The following ZNF92 variants were observed in gnomAD, a reference collection of about 807,000 sequenced individuals.
ZNF92 encodes zinc finger protein 92.
ZNF92 carries 11 observed loss-of-function variants against 12.4 expected under a neutral mutation model. That is an observed-to-expected ratio of 0.89 (90% CI 0.56 to 1.47). ZNF92 has a LOEUF of 1.47. Among genes scored for constraint, ZNF92 ranks in the 40% most tolerant of loss-of-function variants. ZNF92 has a pLI of 0.00. For missense variants in ZNF92, 622 were observed against 681.0 expected, an observed-to-expected ratio of 0.91 and a Z score of 0.96; for synonymous variants, 206 against 228.6, an observed-to-expected ratio of 0.90 and a Z score of 0.89.
chr7:65,374,039 G>A (rs759242589), intron 1 of ZNF92, 39 bp downstream of exon 1: 1 of 1,613,964 alleles, frequency 6.2e-7, no homozygotes. Context: ...AGAGGGGGAG[G>A]GTCTGGCTGG....
In ZNF92 at chr7:65,389,718, C is replaced by T. The variant is rs561968270; in HGVS notation, c.226+817C>T. Among the ~76,000 whole-genome samples the T allele has an allele frequency of 3.7e-4, 56 of 151,406 alleles. No homozygotes were observed. The East Asian group carries it at 0.011, about 29-fold the overall frequency. On this transcript the variant is annotated intron_variant, in intron 3 of 3. Coordinates refer to ENST00000328747, the MANE Select transcript of ZNF92 (RefSeq NM_152626.4). ...TTTTAGTAGAGATGGGGTTTCTCCA[C>T]GTTGGCCAGGATGGTCTTGATCTCT...
intron 1 of ZNF92, among the ~76,000 whole-genome samples, chr7:65,378,371 G>A (rs1793307148): frequency 6.6e-6 from 1 of 152,018 alleles, no homozygotes; most frequent in Non-Finnish European, 1.5e-5. Context: ...GACATAAAGT[G>A]AGGTTGTATG....
chr7:65,374,540 G>GA (rs982005306), intron 1 of ZNF92, among the ~76,000 whole-genome samples: 31 of 151,412 alleles, frequency 2.0e-4, no homozygotes, highest in Admixed American at 1.5e-3. Flanking sequence ...GATGCATAAT[G>GA]AAAAAAAACA....
intron 1 of ZNF92, among the ~76,000 whole-genome samples, chr7:65,378,258 C>T (rs191108537): frequency 2.8e-4 from 42 of 149,972 alleles, no homozygotes; most frequent in African/African-American, 1.0e-3. Flanking sequence ...AGCGTTACTG[C>T]ACTCCAGCCT....
At chr7:65,393,116 A>C (rs1158706708) in intron 3 of ZNF92, among the ~76,000 whole-genome samples, 1 of 152,132 alleles carries the variant, frequency 6.6e-6, no homozygotes, top group Non-Finnish European at 1.5e-5. Flanking sequence ...GACTTCTTGA[A>C]ATTTTACATC....
Position 65,399,664 on chromosome 7 carries a change from CT to C in ZNF92, c.1554del (p.Phe518LeufsTer12). 2 of 1,613,172 alleles carry C rather than the reference CT, an allele frequency of 1.2e-6. No homozygotes were observed. The highest frequency in any genetic ancestry group is 1.7e-6 in the Non-Finnish European group (2 of 1,179,354). ...TACAAATGTGAAAAATGTGGCAATG[CT>C]TTTAACCAGTCCTCAAACCTTACTG... ...KSYKCEKCGNAFNQSSNLTAR... is the reference protein window; with the variant it reads ...KSYKCEKCGNXFNQSSNLTAR... On this transcript the variant is annotated frameshift_variant, in exon 4 of 4. Transcript: ENST00000328747. LOFTEE classifies it low-confidence loss of function (END_TRUNC).
intron 3 of ZNF92, among the ~76,000 whole-genome samples, chr7:65,391,111 C>G (rs1052509667): frequency 4.6e-5 from 7 of 152,232 alleles, no homozygotes; most frequent in Admixed American, 3.3e-4. Flanking sequence ...GATCTCAAAG[C>G]TCTCTTAAAG....
intron 1 of ZNF92, among the ~76,000 whole-genome samples, chr7:65,385,917 G>A (rs1584280321): frequency 2.0e-5 from 3 of 152,090 alleles, no homozygotes; most frequent in Admixed American, 2.0e-4. Context: ...GGAATGCCAT[G>A]TGTTTAGTAC....
chr7:65,392,650 C>T (rs929240057), intron 3 of ZNF92, among the ~76,000 whole-genome samples: 2 of 151,602 alleles, frequency 1.3e-5, no homozygotes, highest in African/African-American at 2.4e-5. Context: ...GATTCTCCTG[C>T]CTCAGCCTCC....
intron 1 of ZNF92, among the ~76,000 whole-genome samples, chr7:65,382,719 C>A (rs1398409691): frequency 6.6e-6 from 1 of 152,100 alleles, no homozygotes; most frequent in Middle Eastern, 3.2e-3. Context: ...CCACTTTCCC[C>A]TTCCTTCTCT....
rs768926087 is a variant in ZNF92 at position 65,388,035 on chromosome 7, A to G, written c.130+7A>G. On this transcript the variant is annotated splice_region_variant and intron_variant, in intron 2 of 3. Transcript: ENST00000328747. The stretch of plus-strand genomic sequence containing the variant: ...AGAAACCTGGTCTTCCTTGGTGAGG[A>G]TAACTTCAATACACAATACACAATG... 1 of 1,600,536 alleles carries G rather than the reference A, an allele frequency of 6.2e-7. No homozygotes were observed. Among genetic ancestry groups the G allele is most frequent in the South Asian group, 1.1e-5 (1 of 89,978 alleles).
intron 1 of ZNF92, among the ~76,000 whole-genome samples, chr7:65,382,249 G>A (rs929297464): frequency 1.3e-5 from 2 of 151,944 alleles, no homozygotes; most frequent in Non-Finnish European, 2.9e-5. Flanking sequence ...ATTGTGATGC[G>A]TGTCACATTC....
At chr7:65,376,498 G>A (rs1793241897) in intron 1 of ZNF92, among the ~76,000 whole-genome samples, 1 of 152,032 alleles carries the variant, frequency 6.6e-6, no homozygotes, top group African/African-American at 2.4e-5. Context: ...CCAGGCTGGA[G>A]TGCAGTGGTG....
At chr7:65,389,560 A>T (rs1295890808) in intron 3 of ZNF92, among the ~76,000 whole-genome samples, 1 of 151,924 alleles carries the variant, frequency 6.6e-6, no homozygotes, top group Non-Finnish European at 1.5e-5. Context: ...CTCTGTCGCC[A>T]GGCTGGAGTG....
rs1442084603 is a variant in ZNF92 at position 65,399,380 on chromosome 7, G to A, written c.1266G>A (p.Glu422=). The change falls in exon 4 of 4, where the codon GAG becomes GAA. Residue 422 remains glutamate, a synonymous_variant. Transcript: ENST00000328747. ...LTEHKIIHTG[E]KPYKCEKCGK... is the part of the protein sequence containing the mutation. ...AACATAAGATAATTCATACTGGAGA[G>A]AAACCCTACAAATGTGAAAAATGTG... The A allele has an allele frequency of 6.2e-7, 1 of 1,613,118 alleles. No individual in the cohort carries two copies. Among genetic ancestry groups the A allele is most frequent in the East Asian group, 2.2e-5 (1 of 44,798 alleles).
In ZNF92 at chr7:65,388,910, C is replaced by T; in HGVS notation, c.226+9C>T. ...GGTAGACAAAACCCCAGGTAGGTGA[C>T]AGTTAATACAACAGACAACACAAAT... On this transcript the variant is annotated intron_variant, in intron 3 of 3. Transcript: ENST00000328747. The T allele has an allele frequency of 6.4e-7, 1 of 1,562,508 alleles. No individual in the cohort carries two copies. The highest frequency in any genetic ancestry group is 8.7e-7 in the Non-Finnish European group (1 of 1,150,286).
rs1303481005 is a variant in ZNF92, at chr7:65,388,993, CTTGTTG to C, written c.226+94_226+99del. On this transcript the variant is annotated intron_variant, in intron 3 of 3. Transcript: ENST00000328747. ...ATTTTTTCTTAGTCGGAGTTTTGACCTTGTTGTCCAGGCTGGAGTGCAAGGGTGTGA... is the reference window on the plus strand; with the variant it reads ...ATTTTTTCTTAGTCGGAGTTTTGACCTCCAGGCTGGAGTGCAAGGGTGTGA... 2.6e-6 allele frequency: 3 copies of C among 1,168,034 alleles called. No homozygotes were observed. The African/African-American group carries it at 4.8e-5, about 19-fold the overall frequency. 72.4% of individuals were successfully genotyped at this position (1,168,034 alleles called of 1,614,324 possible).
intron 1 of ZNF92, among the ~76,000 whole-genome samples, chr7:65,384,932 T>C (rs796120229): frequency 2.0e-5 from 3 of 152,302 alleles, no homozygotes; most frequent in African/African-American, 7.2e-5. Flanking sequence ...GTAAATGTTG[T>C]TTTCCAAATG....
At chr7:65,374,635 T>C (rs1028694410) in intron 1 of ZNF92, among the ~76,000 whole-genome samples, 18 of 152,084 alleles carry the variant, frequency 1.2e-4, no homozygotes, top group African/African-American at 4.1e-4. Context: ...TAATCAGAGA[T>C]TGTCAGTTTA....
Sources: gnomAD v4.1 joint callset for allele counts (sites outside exome capture counted in the v4.1 genomes callset) on GRCh38, gnomAD v4.1.1 for gene constraint, MANE v1.5 for transcripts, NCBI Gene and HGNC (gene_info 2026-07-23, HGNC 2026-07-21) for gene names.